RIC1: variants seen among roughly 807,000 people sequenced by gnomAD.
RIC1 encodes the protein RIC1 partner of RAB6A GEF complex.
In RIC1, 88 loss-of-function variants were observed where a neutral mutation model predicts 169.0. The ratio of observed to expected loss-of-function variants is 0.52; its 90% confidence interval spans 0.44 to 0.62. The LOEUF is 0.62. Among genes scored for constraint, RIC1 ranks in the 20% least tolerant of loss-of-function variants. The pLI is 0.00. For synonymous variants in RIC1, 790 were observed against 601.5 expected (o/e 1.31, Z -4.59); for missense variants, 1,877 against 1,725.5 (o/e 1.09, Z -1.56).
intron 21 of RIC1, among the ~76,000 whole-genome samples, chr9:5,766,869 T>C (rs528419731): frequency 1.5e-4 from 23 of 152,336 alleles, no homozygotes; most frequent in African/African-American, 4.6e-4. Flanking sequence ...AGTAGTGAGA[T>C]TGCTGGATCA....
intron 3 of RIC1, among the ~76,000 whole-genome samples, chr9:5,693,525 A>T (rs1290000992): frequency 6.6e-6 from 1 of 152,120 alleles, no homozygotes; most frequent in African/African-American, 2.4e-5. Flanking sequence ...GAAATCTTAG[A>T]TTCCATTGTA....
In RIC1 at chr9:5,770,098, C is replaced by T. The variant is rs746609104; in HGVS notation, c.3436C>T (p.Leu1146=). The T allele has an allele frequency of 1.2e-6, 2 of 1,611,804 alleles. No homozygotes were observed. Among genetic ancestry groups the T allele is most frequent in the Non-Finnish European group, 8.5e-7 (1 of 1,178,942 alleles). ...GACCCACTCTGCAGTGGGAGAGCAGCTGTTAAAGTCTCAATCAGCTGACCC... is the reference window on the plus strand; with the variant it reads ...GACCCACTCTGCAGTGGGAGAGCAGTTGTTAAAGTCTCAATCAGCTGACCC... ...NGKYRTVGEQ[L]LKSQSADPFL... Residue 1146 remains leucine (L), a synonymous_variant, in exon 23 of 26, where the codon CTG becomes TTG. Transcript: ENST00000414202.
chr9:5,720,384 T>A (rs1192141563), intron 5 of RIC1, 60 bp downstream of exon 5: 2 of 1,496,606 alleles, frequency 1.3e-6, no homozygotes, highest in African/African-American at 2.8e-5. Context: ...TCTAGTTAGG[T>A]ATCTTCTATG....
intron 21 of RIC1, among the ~76,000 whole-genome samples, chr9:5,767,418 C>T (rs894096046): frequency 3.3e-5 from 5 of 150,796 alleles, no homozygotes; most frequent in Non-Finnish European, 7.4e-5. Flanking sequence ...TTCCTATGTT[C>T]TTCTGTTGTT....
chr9:5,701,304 A>G (rs1822202689), intron 3 of RIC1, among the ~76,000 whole-genome samples: 1 of 152,134 alleles, frequency 6.6e-6, no homozygotes, highest in African/African-American at 2.4e-5. Context: ...TTAAATGCAA[A>G]GTGTAGCTTA....
chr9:5,708,328 A>C (rs1358855240), intron 3 of RIC1, among the ~76,000 whole-genome samples: 4 of 152,130 alleles, frequency 2.6e-5, no homozygotes, highest in African/African-American at 9.7e-5. Context: ...TGAACCAAAA[A>C]TACTGCTGGC....
chr9:5,743,998 T>G (rs921697275), intron 10 of RIC1, among the ~76,000 whole-genome samples: 2 of 151,858 alleles, frequency 1.3e-5, no homozygotes, highest in Non-Finnish European at 2.9e-5. Context: ...GACGTGGTCT[T>G]GCCATGTTGC....
At position 5,647,840 on chromosome 9, in the gene RIC1, T is replaced by G. The variant is rs1006849022; in HGVS notation, c.145-8743T>G. ...TTAATTCTGACCTTTGAGGAAAAGCTTTCCATCTTTTCACCATTGAGTTTG... is the reference window on the plus strand; with the variant it reads ...TTAATTCTGACCTTTGAGGAAAAGCGTTCCATCTTTTCACCATTGAGTTTG... On this transcript the variant is annotated intron_variant, in intron 1 of 25. Transcript: ENST00000414202. Among the ~76,000 whole-genome samples, 4 of 152,164 alleles carry G rather than the reference T, an allele frequency of 2.6e-5. No individual in the cohort carries two copies. In the South Asian group the frequency reaches 8.3e-4, roughly 32 times the overall value.
chr9:5,654,098 C>T (rs374078826), intron 1 of RIC1, among the ~76,000 whole-genome samples: 4 of 151,846 alleles, frequency 2.6e-5, no homozygotes, highest in East Asian at 1.9e-4. Flanking sequence ...CTCCCAGGCT[C>T]GAGCAATCTC....
At chr9:5,754,249 T>G (rs1195152076) in intron 14 of RIC1, among the ~76,000 whole-genome samples, 2 of 152,236 alleles carry the variant, frequency 1.3e-5, no homozygotes, top group African/African-American at 4.8e-5. Flanking sequence ...TGATAAGTGA[T>G]TAAGCCAGAA....
intron 1 of RIC1, among the ~76,000 whole-genome samples, chr9:5,632,979 G>T (rs754352452): frequency 2.0e-5 from 3 of 152,174 alleles, no homozygotes; most frequent in Non-Finnish European, 4.4e-5. Context: ...GTAAAAGACA[G>T]ATGTGTATAA....
In RIC1 at chr9:5,765,489, G is replaced by T; in HGVS notation, c.2917G>T (p.Asp973Tyr). ...FNTALEQGKW[D>Y]LCRHMIRFLK... ...CACAGCACTAGAACAAGGCAAGTGG[G>T]ACCTTTGTCGACACATGATTCGATT... Residue 973 changes from aspartate (D) to tyrosine (Y), a missense_variant, in exon 20 of 26, where the codon GAC (aspartate) becomes TAC (tyrosine). By Grantham distance (160) the Asp-to-Tyr change is radical. Coordinates refer to ENST00000414202, the MANE Select transcript of RIC1 (RefSeq NM_020829.4). The T allele has an allele frequency of 6.2e-7, 1 of 1,614,152 alleles. No individual in the cohort carries two copies. The highest frequency in any genetic ancestry group is 8.5e-7 in the Non-Finnish European group (1 of 1,180,002).
chr9:5,753,475 T>C (rs1315121912), intron 13 of RIC1, 61 bp from the exon 14 acceptor site: 1 of 1,050,868 alleles, frequency 9.5e-7, no homozygotes, highest in Non-Finnish European at 1.4e-6. Flanking sequence ...TACTAAGCTC[T>C]TTATGCCTAA....
chr9:5,693,978 T>C (rs1477443576), intron 3 of RIC1, among the ~76,000 whole-genome samples: 2 of 152,062 alleles, frequency 1.3e-5, no homozygotes, highest in Non-Finnish European at 2.9e-5. Context: ...ATACTGGTCT[T>C]TTTCACTGAA....
intron 4 of RIC1, among the ~76,000 whole-genome samples, chr9:5,718,459 C>A (rs1168328921): frequency 2.0e-5 from 3 of 152,142 alleles, no homozygotes; most frequent in African/African-American, 7.2e-5. Flanking sequence ...TCATTTACAG[C>A]ATTTATAAAA....
intron 13 of RIC1, 121 bp downstream of exon 13, chr9:5,753,359 T>G (rs568254072): frequency 2.1e-6 from 2 of 933,150 alleles, no homozygotes; most frequent in Non-Finnish European, 3.5e-6. Flanking sequence ...TATTGTAACA[T>G]TGCTAGTATA....
intron 1 of RIC1, among the ~76,000 whole-genome samples, chr9:5,634,521 C>G (rs1817875716): frequency 6.6e-6 from 1 of 152,000 alleles, no homozygotes; most frequent in South Asian, 2.1e-4. Flanking sequence ...GGTAAAACAT[C>G]TGTTCAGATC....
intron 6 of RIC1, among the ~76,000 whole-genome samples, chr9:5,728,192 C>A (rs7039093): frequency 2.6e-5 from 4 of 152,048 alleles, no homozygotes; most frequent in South Asian, 4.1e-4. Flanking sequence ...TGGGCTCCAC[C>A]CACTTGGAGC....
intron 6 of RIC1, among the ~76,000 whole-genome samples, chr9:5,721,308 C>T (rs1823572893): frequency 6.6e-6 from 1 of 152,128 alleles, no homozygotes; most frequent in South Asian, 2.1e-4. Context: ...GTCACACAGC[C>T]AGGAAAGATT....
Sources: gnomAD v4.1 joint callset for allele counts (sites outside exome capture counted in the v4.1 genomes callset) on GRCh38, gnomAD v4.1.1 for gene constraint, MANE v1.5 for transcripts, NCBI Gene and HGNC (gene_info 2026-07-23, HGNC 2026-07-21) for gene names.